The following CELF4 variants were observed in gnomAD, a reference collection of about 807,000 sequenced individuals.
CELF4 encodes the protein CUG-BP- and ETR-3-like factor 4.
Under a neutral mutation model 59.9 loss-of-function variants are expected in CELF4, and 18 were observed. The ratio of observed to expected loss-of-function variants is 0.30; its 90% CI spans 0.21 to 0.45. The LOEUF (loss-of-function observed/expected upper bound fraction) is 0.45, where lower values mean the gene tolerates loss of function less well. CELF4 is among the 20% of genes least tolerant of loss of function. CELF4 has a pLI of 1.00. For missense variants in CELF4, 456 were observed against 689.0 expected (o/e 0.66, Z 3.79); for synonymous variants, 261 against 267.1 (o/e 0.98, Z 0.22).
intron 1 of CELF4, among the ~76,000 whole-genome samples, chr18:37,552,150 G>C (rs116342109): frequency 7.2e-5 from 11 of 152,300 alleles, no homozygotes; most frequent in African/African-American, 2.4e-4. Flanking sequence ...CCTCAACAGC[G>C]TATTTACACG....
intron 2 of CELF4, among the ~76,000 whole-genome samples, chr18:37,418,052 C>G (rs2099543440): frequency 6.6e-6 from 1 of 152,184 alleles, no homozygotes; most frequent in Non-Finnish European, 1.5e-5. Context: ...TGAGGGGCAT[C>G]ATGAAAATCC....
At chr18:37,318,611 G>A (rs1321055508) in intron 3 of CELF4, among the ~76,000 whole-genome samples, 1 of 144,198 alleles carries the variant, frequency 6.9e-6, no homozygotes, top group African/African-American at 2.6e-5. Context: ...AGATGTTTAG[G>A]TTTGGCTTTC....
intron 2 of CELF4, among the ~76,000 whole-genome samples, chr18:37,461,607 CATA>C (rs1201621185): frequency 1.3e-5 from 2 of 152,152 alleles, no homozygotes; most frequent in African/African-American, 4.8e-5. Context: ...AAAGCCTAAC[CATA>C]TCAGATGGAG....
chr18:37,431,191 G>A (rs187440659), intron 2 of CELF4, among the ~76,000 whole-genome samples: 5 of 152,232 alleles, frequency 3.3e-5, no homozygotes, highest in Middle Eastern at 3.4e-3. Context: ...CTGGCGTACA[G>A]TAGGTGCCTA....
intron 1 of CELF4, among the ~76,000 whole-genome samples, chr18:37,541,074 T>C (rs761943663): frequency 1.4e-4 from 21 of 152,110 alleles, no homozygotes; most frequent in Non-Finnish European, 2.8e-4. Context: ...AATAATCACA[T>C]CTAGGAAGTC....
intron 2 of CELF4, among the ~76,000 whole-genome samples, chr18:37,430,782 C>A (rs529608013): frequency 6.6e-6 from 1 of 152,334 alleles, no homozygotes; most frequent in South Asian, 2.1e-4. Context: ...AGTTGTGTCT[C>A]CCAGGGCTGA....
chr18:37,266,957 G>A (rs1186682008), intron 8 of CELF4, among the ~76,000 whole-genome samples: 2 of 151,408 alleles, frequency 1.3e-5, no homozygotes, highest in Non-Finnish European at 2.9e-5. Context: ...CACACAAGGG[G>A]CCCAGCCCTG....
intron 11 of CELF4, among the ~76,000 whole-genome samples, chr18:37,257,792 A>G (rs1392200146): frequency 6.6e-6 from 1 of 152,030 alleles, no homozygotes; most frequent in Non-Finnish European, 1.5e-5. Flanking sequence ...CTCTGGTTCC[A>G]TATGTGGCTC....
chr18:37,411,883 A>G (rs1330831932), intron 2 of CELF4, among the ~76,000 whole-genome samples: 1 of 152,206 alleles, frequency 6.6e-6, no homozygotes. Flanking sequence ...ACCCGTGTCC[A>G]GGGGCTCCTA....
chr18:37,562,777 G>A (rs1032085532), intron 1 of CELF4, among the ~76,000 whole-genome samples: 3 of 152,284 alleles, frequency 2.0e-5, no homozygotes, highest in South Asian at 4.1e-4. Context: ...ACCAGACCTC[G>A]GAAACGGTCT....
intron 1 of CELF4, among the ~76,000 whole-genome samples, chr18:37,560,952 C>T (rs555151826): frequency 5.3e-5 from 8 of 152,332 alleles, no homozygotes; most frequent in African/African-American, 1.2e-4. Flanking sequence ...TTCATATCCC[C>T]GTCCTTCCTC....
At chr18:37,497,651 CAAA>C (rs58015103) in intron 1 of CELF4, among the ~76,000 whole-genome samples, 3 of 118,274 alleles carry the variant, frequency 2.5e-5, no homozygotes, top group African/African-American at 3.2e-5. Context: ...GACTCTGTCT[CAAA>C]AAAAAAAAAA....
intron 1 of CELF4, among the ~76,000 whole-genome samples, chr18:37,488,537 G>C (rs527985662): frequency 9.8e-5 from 15 of 152,298 alleles, no homozygotes; most frequent in African/African-American, 3.6e-4. Flanking sequence ...CTTCTATAGT[G>C]GTGGCAGGGC....
chr18:37,540,448 T>C (rs1286800359), intron 1 of CELF4, among the ~76,000 whole-genome samples: 2 of 152,068 alleles, frequency 1.3e-5, no homozygotes, highest in Non-Finnish European at 2.9e-5. Context: ...CAAAGAGAAG[T>C]TCCCAAGGAG....
chr18:37,554,212 G>A (rs2099984098), intron 1 of CELF4, among the ~76,000 whole-genome samples: 1 of 152,188 alleles, frequency 6.6e-6, no homozygotes, highest in Non-Finnish European at 1.5e-5. Context: ...GGCAGCCTCG[G>A]GGGCTGGGGC....
At chr18:37,510,159 A>G (rs148281327) in intron 1 of CELF4, among the ~76,000 whole-genome samples, 2 of 152,322 alleles carry the variant, frequency 1.3e-5, no homozygotes, top group East Asian at 1.9e-4. Context: ...TGTTTAAGAG[A>G]AAAGAAGAGT....
At chr18:37,459,106 C>T (rs2099786629) in intron 2 of CELF4, among the ~76,000 whole-genome samples, 1 of 152,210 alleles carries the variant, frequency 6.6e-6, no homozygotes, top group Non-Finnish European at 1.5e-5. Flanking sequence ...CCCTGGGACA[C>T]TTTCTGATTC....
chr18:37,563,133 A>G (rs986096231), intron 1 of CELF4, among the ~76,000 whole-genome samples: 7 of 151,256 alleles, frequency 4.6e-5, no homozygotes, highest in Admixed American at 2.0e-4. Flanking sequence ...AACCTTCTCT[A>G]CCTCCCTAAT....
chr18:37,456,401 T>A (rs2099778399), intron 2 of CELF4, among the ~76,000 whole-genome samples: 1 of 152,066 alleles, frequency 6.6e-6, no homozygotes, highest in Non-Finnish European at 1.5e-5. Context: ...CTATATGGAT[T>A]GAGGAGTGAG....
Sources: allele counts gnomAD v4.1 joint callset (sites outside exome capture counted in the v4.1 genomes callset), GRCh38; gene constraint gnomAD v4.1.1; transcripts MANE v1.5; gene names NCBI Gene and HGNC (gene_info 2026-07-23, HGNC 2026-07-21).